EIF4B: variants seen among roughly 807,000 people sequenced by gnomAD.
EIF4B encodes eukaryotic translation initiation factor 4B.
Under a neutral mutation model 79.3 loss-of-function variants are expected in EIF4B, and 8 were observed. That is an observed-to-expected ratio of 0.10 (90% CI 0.06 to 0.18). The LOEUF (loss-of-function observed/expected upper bound fraction) is 0.18. Ranked by LOEUF, EIF4B falls within the 10% of genes least tolerant of loss-of-function variation. EIF4B has a pLI of 1.00. For synonymous variants in EIF4B, 238 were observed against 274.7 expected (o/e 0.87, Z 1.32); for missense variants, 515 against 792.4 (o/e 0.65, Z 4.20).
In EIF4B at chr12:53,019,836, T is replaced by C; in HGVS notation, c.361-74T>C. 5 of 1,430,676 alleles carry C rather than the reference T, an allele frequency of 3.5e-6. No homozygotes were observed. The South Asian group carries it at 6.1e-5, about 17-fold the overall frequency. 88.6% of individuals were successfully genotyped at this position (1,430,676 alleles called of 1,614,324 possible). A position where few individuals can be genotyped will look rare whatever the true frequency, so the allele number is the denominator to read the frequency against. On this transcript the variant is annotated intron_variant, in intron 3 of 14. Coordinates refer to ENST00000262056, the MANE Select transcript of EIF4B (RefSeq NM_001417.7). ...AAATTCATGCACATACAGTAATGCTTTTGTAGTCCTCTCAAAAAATGACAA... is the reference window on the plus strand; with the variant it reads ...AAATTCATGCACATACAGTAATGCTCTTGTAGTCCTCTCAAAAAATGACAA...
intron 5 of EIF4B, 41 bp downstream of exon 5, chr12:53,021,901 A>G: frequency 6.2e-7 from 1 of 1,612,550 alleles, no homozygotes; most frequent in Non-Finnish European, 8.5e-7. Context: ...TAATGGTCCC[A>G]GGATGACACC....
intron 8 of EIF4B, 79 bp downstream of exon 8, chr12:53,028,267 A>G: frequency 1.3e-6 from 2 of 1,495,046 alleles, no homozygotes; most frequent in Non-Finnish European, 1.8e-6. Context: ...GTTACGAACT[A>G]CTGAGTTGGG....
chr12:53,028,184 T>A lies in EIF4B; in HGVS notation c.975T>A (p.Asp325Glu), dbSNP rs945853136. ...CTCGGGATGATTATAGGCGTGATGA[T>A]AGAGGTAATAGTTTTCTTTTTACGT... ...DYSRDDYRRD[D>E]RGPPQRPKLN... The change falls in exon 8 of 15, where the codon GAT becomes GAA. Residue 325 changes from aspartate (D) to glutamate (E), a missense_variant. Physicochemically the swap from Asp to Glu is conservative, Grantham distance 45. Transcript: ENST00000262056. 3.2e-6 allele frequency: 5 copies of A among 1,569,710 alleles called. No individual in the cohort carries two copies. The highest frequency in any genetic ancestry group is 3.4e-6 in the Non-Finnish European group (4 of 1,162,406).
chr12:53,010,181 G>A (rs190906253), intron 1 of EIF4B, among the ~76,000 whole-genome samples: 1 of 152,252 alleles, frequency 6.6e-6, no homozygotes, highest in Non-Finnish European at 1.5e-5. Flanking sequence ...ATCCCTGGAG[G>A]GATAAGGAAA....
At chr12:53,038,283 G>C in intron 11 of EIF4B, 73 bp from the exon 12 acceptor site, 4 of 1,387,012 alleles carry the variant, frequency 2.9e-6, no homozygotes, top group Non-Finnish European at 3.9e-6. Context: ...ACTGCATTTG[G>C]AGGATGATTA....
chr12:53,014,400 G>A (rs1943115206), intron 1 of EIF4B, among the ~76,000 whole-genome samples: 2 of 148,854 alleles, frequency 1.3e-5, no homozygotes, highest in African/African-American at 5.0e-5. Context: ...ATGACAAAGC[G>A]AGACTCCGTC....
intron 8 of EIF4B, among the ~76,000 whole-genome samples, chr12:53,033,282 G>A (rs1254950336): frequency 6.6e-6 from 1 of 151,120 alleles, no homozygotes; most frequent in East Asian, 1.9e-4. Flanking sequence ...GCCTCCCAAA[G>A]TATCGGGATT....
Position 53,027,807 on chromosome 12 carries a change from C to G in EIF4B, c.693C>G (p.Asp231Glu). ...GDKYRDRYDS[D>E]RYRDGYRDGY... ...AGTATCGAGATCGTTATGATTCAGA[C>G]CGGTATCGGGATGGGTATCGGGATG... Residue 231 changes from aspartate to glutamate, a missense_variant, in exon 7 of 15, where the codon GAC (aspartate) becomes GAG (glutamate). Asp to Glu is a conservative substitution (Grantham distance 45). Coordinates refer to ENST00000262056, the MANE Select transcript of EIF4B (RefSeq NM_001417.7). The G allele has an allele frequency of 6.2e-7, 1 of 1,613,692 alleles. No homozygotes were observed. The highest frequency in any genetic ancestry group is 8.5e-7 in the Non-Finnish European group (1 of 1,180,034).
Position 53,034,690 on chromosome 12 carries a change from C to G in EIF4B, c.1287C>G (p.Thr429=), listed in dbSNP as rs891453415. The change falls in exon 10 of 15, where the codon ACC becomes ACG. Residue 429 remains threonine (T), a synonymous_variant. Coordinates refer to ENST00000262056, the MANE Select transcript of EIF4B (RefSeq NM_001417.7). ...GAAGTGAGTCATCACAAACTGGGAC[C>G]TCCACCACATCTAGCAGAAGTAAGT... ...RTGSESSQTG[T]STTSSRNARR... is the part of the protein sequence containing the mutation. 3 of 1,613,890 alleles carry G rather than the reference C, an allele frequency of 1.9e-6. No homozygotes were observed. The highest frequency in any genetic ancestry group is 2.5e-6 in the Non-Finnish European group (3 of 1,179,904).
intron 6 of EIF4B, among the ~76,000 whole-genome samples, chr12:53,023,693 C>T (rs1042019417): frequency 1.3e-5 from 2 of 149,886 alleles, no homozygotes; most frequent in Non-Finnish European, 2.9e-5. Context: ...AAGCGATTCT[C>T]CTGCCTCAGC....
At chr12:53,038,314 C>T (rs780086724) in intron 11 of EIF4B, 42 bp from the exon 12 acceptor site, 7 of 1,536,014 alleles carry the variant, frequency 4.6e-6, no homozygotes, top group Admixed American at 2.1e-5. Context: ...TTGTTTTCTC[C>T]CTGAAACAAC....
intron 12 of EIF4B, 82 bp downstream of exon 12, chr12:53,038,493 T>C (rs1592229775): frequency 7.3e-6 from 10 of 1,371,016 alleles, no homozygotes; most frequent in Non-Finnish European, 9.9e-6. Flanking sequence ...TGAAGAGCAG[T>C]GTGTCTCGCA....
intron 12 of EIF4B, 147 bp from the exon 13 acceptor site, chr12:53,039,091 G>A: frequency 1.7e-6 from 1 of 593,058 alleles, no homozygotes; most frequent in Non-Finnish European, 3.0e-6. Flanking sequence ...TGGAAAGAAG[G>A]GCTTCAGGAA....
At chr12:53,038,096 G>A (rs547822145) in intron 11 of EIF4B, 31 of 288,846 alleles carry the variant, frequency 1.1e-4, no homozygotes, top group African/African-American at 6.7e-4. Context: ...ACTCCAGCCT[G>A]GGCGACAGAG....
chr12:53,013,143 G>A (rs1175102963), intron 1 of EIF4B, among the ~76,000 whole-genome samples: 1 of 152,168 alleles, frequency 6.6e-6, no homozygotes, highest in Admixed American at 6.5e-5. Flanking sequence ...CGGACTAAAG[G>A]GCAGATTAAT....
In EIF4B at chr12:53,041,821, G is replaced by A. The variant is rs557716495; in HGVS notation, c.*1598G>A. 8.2e-6 allele frequency: 1 copy of A among 122,266 alleles called. No homozygotes were observed. Among genetic ancestry groups the A allele is most frequent in the South Asian group, 2.6e-4 (1 of 3,824 alleles). The allele number at this position is 122,266 out of a possible 1,614,324, so 7.6% of individuals were successfully genotyped here. ...TACCAAGTGAATTTAAATAATTGGT[G>A]TGGATTGGCCAGTAGCTAAGAAGTG... On this transcript the variant is annotated 3_prime_UTR_variant, in exon 15 of 15. Coordinates refer to ENST00000262056, the MANE Select transcript of EIF4B (RefSeq NM_001417.7).
chr12:53,016,507 C>G lies in EIF4B; in HGVS notation c.48C>G (p.Ser16=). The G allele has an allele frequency of 6.2e-7, 1 of 1,612,942 alleles. No individual in the cohort carries two copies. Among genetic ancestry groups the G allele is most frequent in the African/African-American group, 1.3e-5 (1 of 74,982 alleles). Reference sequence around the variant, plus strand: ...AGAATAAGAAGGGGAAGACTATCTCCCTAACAGACTTTCTGGCTGAGGATG... The same window carrying G: ...AGAATAAGAAGGGGAAGACTATCTCGCTAACAGACTTTCTGGCTGAGGATG... ...KKKNKKGKTI[S]LTDFLAEDGG... is the part of the protein sequence containing the mutation. Residue 16 remains serine, a synonymous_variant, in exon 2 of 15, where the codon TCC becomes TCG. Transcript: ENST00000262056.
intron 6 of EIF4B, among the ~76,000 whole-genome samples, chr12:53,023,928 TACTC>T (rs1322190930): frequency 6.6e-6 from 1 of 152,210 alleles, no homozygotes; most frequent in Non-Finnish European, 1.5e-5. Flanking sequence ...ACTTTAAAAA[TACTC>T]AAGATATAGC....
rs746047139 is a variant in EIF4B at position 53,037,390 on chromosome 12, T to G, written c.1307-19T>G. ...CATCTGCAGCCTGATAATTTGATAT[T>G]TTCACTCTGGCTTCACAGATGCACG... On this transcript the variant is annotated intron_variant, in intron 10 of 14. Transcript: ENST00000262056. 23 of 1,605,948 alleles carry G rather than the reference T, an allele frequency of 1.4e-5. No individual in the cohort carries two copies. In the South Asian group the frequency reaches 2.5e-4, roughly 17 times the overall value.
Sources: gnomAD v4.1 joint callset for allele counts (sites outside exome capture counted in the v4.1 genomes callset) on GRCh38, gnomAD v4.1.1 for gene constraint, MANE v1.5 for transcripts, NCBI Gene and HGNC (gene_info 2026-07-23, HGNC 2026-07-21) for gene names.